The following CYP2C19 variants were observed in gnomAD, a reference collection of about 807,000 sequenced individuals.
The protein encoded by CYP2C19 is cytochrome P450 family 2 subfamily C member 19.
CYP2C19 carries 59 observed loss-of-function variants against 40.9 expected under a neutral mutation model. That is an observed-to-expected ratio of 1.44 (90% CI 1.17 to 1.79). The LOEUF (loss-of-function observed/expected upper bound fraction) is 1.79, where lower values mean the gene tolerates loss of function less well. Ranked by LOEUF, CYP2C19 falls within the 40% of genes most tolerant of loss-of-function variation. The pLI is 0.00. For synonymous variants in CYP2C19, 253 were observed against 208.7 expected (o/e 1.21, Z -1.83); for missense variants, 754 against 596.9 (o/e 1.26, Z -2.74).
At chr10:94,780,341 G>A (rs1168143321) in intron 3 of CYP2C19, among the ~76,000 whole-genome samples, 158 bp from the exon 4 acceptor site, 1 of 152,174 alleles carries the variant, frequency 6.6e-6, no homozygotes, top group Non-Finnish European at 1.5e-5. Flanking sequence ...TAAAAGTGAT[G>A]TGTTGATTTT....
At chr10:94,765,470 C>A (rs1029559181) in intron 1 of CYP2C19, among the ~76,000 whole-genome samples, 2 of 152,144 alleles carry the variant, frequency 1.3e-5, no homozygotes, top group Admixed American at 1.3e-4. Context: ...TTTTCCCATA[C>A]TCCTAGAGTA....
intron 6 of CYP2C19, among the ~76,000 whole-genome samples, chr10:94,830,047 G>C (rs970953504): frequency 2.0e-4 from 31 of 152,234 alleles, no homozygotes; most frequent in African/African-American, 7.0e-4. Flanking sequence ...GAGAACCACT[G>C]CTCTCTTCAA....
rs17882302 is a variant in CYP2C19, at chr10:94,854,356, T to G, written c.*1442T>G. Among the ~76,000 whole-genome samples, 83 of 152,246 alleles carry G rather than the reference T, an allele frequency of 5.5e-4. No individual in the cohort carries two copies. The East Asian group carries it at 7.3e-3, about 13-fold the overall frequency. On this transcript the variant is annotated 3_prime_UTR_variant, in exon 9 of 9. Coordinates refer to ENST00000371321, the MANE Select transcript of CYP2C19 (RefSeq NM_000769.4). Reference sequence around the variant, plus strand: ...TAAGAAGAATTACCAGGGTTTAATCTTTTTCAGCTTCTCCTATATTGTTTT... The same window carrying G: ...TAAGAAGAATTACCAGGGTTTAATCGTTTTCAGCTTCTCCTATATTGTTTT...
intron 3 of CYP2C19, among the ~76,000 whole-genome samples, chr10:94,778,512 GA>G (rs1362254777): frequency 2.0e-5 from 3 of 151,984 alleles, no homozygotes; most frequent in Non-Finnish European, 2.9e-5. Context: ...ACAAACATAT[GA>G]AAAAAAGCTC....
In CYP2C19 at chr10:94,812,888, C is replaced by T. The variant is rs191414663; in HGVS notation, c.820-7608C>T. On this transcript the variant is annotated intron_variant, in intron 5 of 8. Transcript: ENST00000371321. ...TCAATTCATCAAATTCTTTCTCTGT[C>T]CAGTTTTGTCCCCTTGCTGGCAAGG... 3.1e-3 allele frequency among the ~76,000 whole-genome samples: 479 copies of T among 152,110 alleles called. 3 individuals are homozygous for T. Among genetic ancestry groups the T allele is most frequent in the African/African-American group, 0.011 (456 of 41,434 alleles).
intron 7 of CYP2C19, 76 bp downstream of exon 7, chr10:94,843,100 C>A: frequency 4.5e-6 from 7 of 1,554,546 alleles, no homozygotes; most frequent in Non-Finnish European, 6.2e-6. Context: ...TTACCCTCTA[C>A]CATCACTGGG....
chr10:94,853,007 C>A lies in CYP2C19; in HGVS notation c.*93C>A, dbSNP rs775981161. 142 of 1,344,064 alleles carry A rather than the reference C, an allele frequency of 1.1e-4. No individual in the cohort carries two copies. Among genetic ancestry groups the A allele is most frequent in the Non-Finnish European group, 1.4e-4 (137 of 967,858 alleles). The allele number at this position is 1,344,064 out of a possible 1,614,324, so 83.3% of individuals were successfully genotyped here. A position where few individuals can be genotyped will look rare whatever the true frequency, so the allele number is the denominator to read the frequency against. ...ACTATCTGTGATGCTTCTTCTGACC[C>A]GTCATCTCACATTTTCCCTTCCCCC... On this transcript the variant is annotated 3_prime_UTR_variant, in exon 9 of 9. Coordinates refer to ENST00000371321, the MANE Select transcript of CYP2C19 (RefSeq NM_000769.4).
At chr10:94,829,516 A>T (rs932326607) in intron 6 of CYP2C19, among the ~76,000 whole-genome samples, 30 of 152,076 alleles carry the variant, frequency 2.0e-4, no homozygotes, top group Admixed American at 1.9e-3. Flanking sequence ...AAGCTCCTTT[A>T]AGCACTTCTC....
intron 5 of CYP2C19, among the ~76,000 whole-genome samples, chr10:94,806,855 G>A (rs75665761): frequency 0.055 from 8,366 of 151,668 alleles, 302 homozygotes; most frequent in Middle Eastern, 0.12. Flanking sequence ...AGGATGATTA[G>A]CATATCTATA....
chr10:94,834,110 G>A (rs1451374946), intron 6 of CYP2C19, among the ~76,000 whole-genome samples: 1 of 152,164 alleles, frequency 6.6e-6, no homozygotes, highest in East Asian at 1.9e-4. Flanking sequence ...GTAAAATTCA[G>A]CAGTGAAGCC....
chr10:94,776,221 A>C lies in CYP2C19; in HGVS notation c.481+682A>C, dbSNP rs528263832. The C allele has an allele frequency of 3.9e-5, 6 of 152,338 alleles. No homozygotes were observed. In the South Asian group the frequency reaches 1.2e-3, roughly 32 times the overall value. 9.4% of individuals were successfully genotyped at this position (152,338 alleles called of 1,614,324 possible). A position where few individuals can be genotyped will look rare whatever the true frequency, so the allele number is the denominator to read the frequency against. Reference sequence around the variant, plus strand: ...GCTATGACATAATTCTGTGAAATACACAAATGTCTATTTATAAAATAATTT... The same window carrying C: ...GCTATGACATAATTCTGTGAAATACCCAAATGTCTATTTATAAAATAATTT... On this transcript the variant is annotated intron_variant, in intron 3 of 8. Coordinates refer to ENST00000371321, the MANE Select transcript of CYP2C19 (RefSeq NM_000769.4).
At chr10:94,817,784 C>T (rs527478776) in intron 5 of CYP2C19, among the ~76,000 whole-genome samples, 44 of 152,048 alleles carry the variant, frequency 2.9e-4, no homozygotes, top group Admixed American at 1.2e-3. Flanking sequence ...GAGGCCGAGG[C>T]GGGCGGATCA....
At chr10:94,828,544 A>T (rs1849270071) in intron 6 of CYP2C19, among the ~76,000 whole-genome samples, 1 of 147,436 alleles carries the variant, frequency 6.8e-6, no homozygotes, top group African/African-American at 2.5e-5. Flanking sequence ...TTTTATTTTG[A>T]GCCTATGTGT....
At chr10:94,801,153 A>C (rs1429046996) in intron 5 of CYP2C19, among the ~76,000 whole-genome samples, 1 of 152,158 alleles carries the variant, frequency 6.6e-6, no homozygotes, top group African/African-American at 2.4e-5. Flanking sequence ...CCATCTTGCC[A>C]CTAAATCTCT....
intron 5 of CYP2C19, among the ~76,000 whole-genome samples, chr10:94,798,869 A>C (rs558432071): frequency 9.7e-6 from 1 of 102,694 alleles, no homozygotes; most frequent in Admixed American, 1.4e-4. Flanking sequence ...ATCTTCCTCC[A>C]TCCCTTTATT....
chr10:94,827,899 T>C, intron 6 of CYP2C19, among the ~76,000 whole-genome samples: 1 of 152,026 alleles, frequency 6.6e-6, no homozygotes, highest in Non-Finnish European at 1.5e-5. Context: ...ACATCTTTAT[T>C]TCTGCCTTCA....
intron 5 of CYP2C19, among the ~76,000 whole-genome samples, chr10:94,796,245 T>G (rs1848684680): frequency 6.6e-6 from 1 of 152,222 alleles, no homozygotes; most frequent in Non-Finnish European, 1.5e-5. Flanking sequence ...GCACTATTTG[T>G]TAAACAGGGA....
intron 6 of CYP2C19, among the ~76,000 whole-genome samples, chr10:94,835,936 G>C (rs1206397175): frequency 1.3e-5 from 2 of 152,138 alleles, no homozygotes; most frequent in African/African-American, 4.8e-5. Context: ...TTCTACAACG[G>C]AACTTCCATC....
At chr10:94,828,409 A>G (rs553893448) in intron 6 of CYP2C19, among the ~76,000 whole-genome samples, 1 of 150,290 alleles carries the variant, frequency 6.7e-6, no homozygotes, top group Non-Finnish European at 1.5e-5. Context: ...TCCCTTTACC[A>G]TTATGTAATG....
Sources: gnomAD v4.1 joint callset for allele counts (sites outside exome capture counted in the v4.1 genomes callset) on GRCh38, gnomAD v4.1.1 for gene constraint, MANE v1.5 for transcripts, NCBI Gene and HGNC (gene_info 2026-07-23, HGNC 2026-07-21) for gene names.